MARK3: variants seen among roughly 807,000 people sequenced by gnomAD.
The protein encoded by MARK3 is MAP/microtubule affinity-regulating kinase 3.
MARK3 carries 46 observed loss-of-function variants against 90.1 expected under a neutral mutation model. The observed-to-expected ratio is 0.51, with a 90% CI of 0.40 to 0.65. The LOEUF is 0.65. Ranked by LOEUF, MARK3 falls within the 30% of genes least tolerant of loss-of-function variation. The probability of loss-of-function intolerance (pLI) is 0.00; values close to 1 mark genes in which losing one functional copy is unlikely to be tolerated. For synonymous variants in MARK3, 321 were observed against 332.6 expected (o/e 0.97, Z 0.38); for missense variants, 818 against 947.2 (o/e 0.86, Z 1.79).
At chr14:103,387,000 A>G (rs942249009) in intron 1 of MARK3, among the ~76,000 whole-genome samples, 2 of 152,252 alleles carry the variant, frequency 1.3e-5, no homozygotes, top group Non-Finnish European at 2.9e-5. Context: ...ACTGGGTTCA[A>G]AAGTGTTTCA....
intron 2 of MARK3, among the ~76,000 whole-genome samples, chr14:103,420,448 C>G (rs997702629): frequency 1.3e-5 from 2 of 152,148 alleles, no homozygotes; most frequent in East Asian, 1.9e-4. Flanking sequence ...TCAGGCTGGT[C>G]TCGAACTCCT....
chr14:103,437,590 A>C (rs1240463578), intron 3 of MARK3, among the ~76,000 whole-genome samples: 1 of 152,050 alleles, frequency 6.6e-6, no homozygotes, highest in African/African-American at 2.4e-5. Flanking sequence ...ACCCAGCTAA[A>C]GTATATTTTT....
At chr14:103,456,513 C>T (rs1460282579) in intron 5 of MARK3, among the ~76,000 whole-genome samples, 2 of 152,226 alleles carry the variant, frequency 1.3e-5, no homozygotes, top group Non-Finnish European at 1.5e-5. Context: ...TCCACACCCT[C>T]AAGTAGTCAG....
chr14:103,410,183 CTTACAA>C (rs2091547898), intron 2 of MARK3, among the ~76,000 whole-genome samples: 1 of 152,094 alleles, frequency 6.6e-6, no homozygotes, highest in Admixed American at 6.6e-5. Context: ...AAATTTATTT[CTTACAA>C]TTGTGGAGGC....
At chr14:103,409,985 A>G (rs1362430291) in intron 2 of MARK3, among the ~76,000 whole-genome samples, 1 of 152,194 alleles carries the variant, frequency 6.6e-6, no homozygotes. Context: ...TGACATTGTA[A>G]TAGATACTAC....
At chr14:103,415,863 C>A (rs12885762) in intron 2 of MARK3, among the ~76,000 whole-genome samples, 43,054 of 152,080 alleles carry the variant, frequency 0.28, 7,265 homozygotes, top group Non-Finnish European at 0.36. Context: ...TACTCAAAGG[C>A]CCCAACTTTT....
intron 2 of MARK3, among the ~76,000 whole-genome samples, chr14:103,423,829 G>A (rs961649451): frequency 2.6e-5 from 4 of 152,190 alleles, no homozygotes; most frequent in African/African-American, 4.8e-5. Flanking sequence ...CTGCAGTTTG[G>A]TTAAGCTGAA....
intron 12 of MARK3, among the ~76,000 whole-genome samples, chr14:103,474,099 G>A (rs62007718): frequency 0.26 from 39,509 of 151,366 alleles, 6,416 homozygotes; most frequent in Middle Eastern, 0.45. Flanking sequence ...CAGCTACTCC[G>A]GAGGCTGAGG....
At chr14:103,445,176 A>T (rs1004952458) in intron 3 of MARK3, among the ~76,000 whole-genome samples, 24 of 152,152 alleles carry the variant, frequency 1.6e-4, no homozygotes, top group African/African-American at 4.8e-4. Flanking sequence ...TGGCTCCAGC[A>T]TATATTAGCT....
intron 17 of MARK3, 38 bp from the exon 18 acceptor site, chr14:103,502,844 T>C: frequency 6.5e-7 from 1 of 1,537,128 alleles, no homozygotes; most frequent in East Asian, 2.3e-5. Flanking sequence ...TTGATTTTCC[T>C]GTACGATTAA....
intron 2 of MARK3, among the ~76,000 whole-genome samples, chr14:103,419,024 C>G (rs1331584541): frequency 6.6e-6 from 1 of 152,146 alleles, no homozygotes; most frequent in Non-Finnish European, 1.5e-5. Flanking sequence ...CGCGGTGGCT[C>G]ACGCCTGTAA....
intron 3 of MARK3, among the ~76,000 whole-genome samples, chr14:103,446,414 C>T (rs2092995625): frequency 6.6e-6 from 1 of 152,022 alleles, no homozygotes; most frequent in Non-Finnish European, 1.5e-5. Context: ...CCTAGCTGCT[C>T]TGGAGGCTGA....
At chr14:103,409,660 T>G (rs2091521120) in intron 2 of MARK3, among the ~76,000 whole-genome samples, 1 of 152,128 alleles carries the variant, frequency 6.6e-6, no homozygotes, top group Non-Finnish European at 1.5e-5. Context: ...TATATAGACA[T>G]TAACTTTTAA....
intron 2 of MARK3, among the ~76,000 whole-genome samples, chr14:103,423,529 C>T (rs2092299316): frequency 2.0e-5 from 3 of 152,178 alleles, no homozygotes; most frequent in Non-Finnish European, 4.4e-5. Context: ...CCCACAATCA[C>T]TGGAATAAAG....
chr14:103,457,938 G>A (rs1432521198), intron 6 of MARK3, among the ~76,000 whole-genome samples: 1 of 152,148 alleles, frequency 6.6e-6, no homozygotes, highest in Non-Finnish European at 1.5e-5. Context: ...GGGTCTCGCT[G>A]TATTGCCCAG....
intron 1 of MARK3, among the ~76,000 whole-genome samples, chr14:103,403,350 GTGT>G (rs2091084755): frequency 6.6e-6 from 1 of 151,348 alleles, no homozygotes; most frequent in Non-Finnish European, 1.5e-5. Context: ...GTGTGTGTGT[GTGT>G]GTGTGTGTGT....
At chr14:103,421,995 G>C (rs2092239973) in intron 2 of MARK3, among the ~76,000 whole-genome samples, 1 of 152,124 alleles carries the variant, frequency 6.6e-6, no homozygotes, top group African/African-American at 2.4e-5. Flanking sequence ...TTGTCTCCCA[G>C]GATGGCCACT....
At chr14:103,439,765 C>T (rs1270227128) in intron 3 of MARK3, among the ~76,000 whole-genome samples, 1 of 151,930 alleles carries the variant, frequency 6.6e-6, no homozygotes, top group Non-Finnish European at 1.5e-5. Context: ...GTGTATTCTC[C>T]TATTGGCTTT....
rs575462913 is a variant in MARK3, at chr14:103,452,211, T to C, written c.412+228T>C. ...TAATATCTAAATACCTGGATATTTT[T>C]TGTGGTAAAACATGCATCACTGAAA... On this transcript the variant is annotated intron_variant, in intron 5 of 17. Coordinates refer to ENST00000429436, the MANE Select transcript of MARK3 (RefSeq NM_001128918.3). Among the ~76,000 whole-genome samples, 10 of 152,280 alleles carry C rather than the reference T, an allele frequency of 6.6e-5. No homozygotes were observed. In the South Asian group the frequency reaches 1.9e-3, roughly 28 times the overall value.
Sources: gnomAD v4.1 joint callset for allele counts (sites outside exome capture counted in the v4.1 genomes callset) on GRCh38, gnomAD v4.1.1 for gene constraint, MANE v1.5 for transcripts, NCBI Gene and HGNC (gene_info 2026-07-23, HGNC 2026-07-21) for gene names.